VPS13B: variants seen among roughly 807,000 people sequenced by gnomAD.
VPS13B encodes vacuolar protein sorting 13 homolog B.
In VPS13B, 285 loss-of-function variants were observed where a neutral mutation model predicts 426.4. The ratio of observed to expected loss-of-function variants is 0.67; its 90% CI spans 0.61 to 0.74. The LOEUF (loss-of-function observed/expected upper bound fraction) is 0.74. VPS13B is among the 30% of genes least tolerant of loss of function. VPS13B has a pLI of 0.00. For synonymous variants in VPS13B, 1,676 were observed against 1,676.4 expected (o/e 1.00, Z 0.01); for missense variants, 4,537 against 4,782.6 (o/e 0.95, Z 1.51).
chr8:99,638,095 TA>T (rs1246900726), intron 33 of VPS13B, among the ~76,000 whole-genome samples: 1 of 152,136 alleles, frequency 6.6e-6, no homozygotes, highest in African/African-American at 2.4e-5. Context: ...TAAGGATAAC[TA>T]AAATGAAACT....
intron 50 of VPS13B, 121 bp downstream of exon 50, chr8:99,821,603 A>G (rs1056167554): frequency 8.4e-7 from 1 of 1,195,898 alleles, no homozygotes; most frequent in African/African-American, 1.5e-5. Context: ...AACAATTTAT[A>G]ACAGTACATT....
chr8:99,313,969 G>C (rs1451529064), intron 19 of VPS13B, among the ~76,000 whole-genome samples: 1 of 152,148 alleles, frequency 6.6e-6, no homozygotes, highest in Non-Finnish European at 1.5e-5. Context: ...CTCCAAGCCA[G>C]GCACGGGATA....
chr8:99,700,904 T>C (rs1393117453), intron 36 of VPS13B, among the ~76,000 whole-genome samples: 1 of 152,022 alleles, frequency 6.6e-6, no homozygotes, highest in Admixed American at 6.6e-5. Flanking sequence ...CCTCTTTAAT[T>C]TGTGGGGGGA....
intron 35 of VPS13B, among the ~76,000 whole-genome samples, chr8:99,674,540 C>A (rs747788785): frequency 2.6e-5 from 4 of 151,840 alleles, no homozygotes; most frequent in Non-Finnish European, 5.9e-5. Flanking sequence ...TTTGCTCTTT[C>A]TTTTCATTGG....
chr8:99,875,118 T>C lies in VPS13B; in HGVS notation c.11746-300T>C. ...CTGCTAAAGAACAATGACAGATGTT[T>C]TAATGGTGAGTAGAATGTTATCAAA... On this transcript the variant is annotated intron_variant, in intron 61 of 61. Coordinates refer to ENST00000357162, the MANE Select transcript of VPS13B (RefSeq NM_152564.5). 7.3e-6 allele frequency: 3 copies of C among 413,604 alleles called. 1 individual carries two copies. Among genetic ancestry groups the C allele is most frequent in the South Asian group, 7.1e-5 (3 of 42,010 alleles). The allele number at this position is 413,604 out of a possible 1,614,324, so 25.6% of individuals were successfully genotyped here. A position where few individuals can be genotyped will look rare whatever the true frequency, so the allele number is the denominator to read the frequency against.
At chr8:99,678,498 C>G (rs1831031489) in intron 35 of VPS13B, among the ~76,000 whole-genome samples, 1 of 152,044 alleles carries the variant, frequency 6.6e-6, no homozygotes, top group Admixed American at 6.6e-5. Context: ...TCTCCTCAGC[C>G]CCCAACCCTT....
At chr8:99,825,648 G>A (rs1336471513) in intron 51 of VPS13B, among the ~76,000 whole-genome samples, 1 of 152,172 alleles carries the variant, frequency 6.6e-6, no homozygotes, top group Non-Finnish European at 1.5e-5. Flanking sequence ...CTTTGCCCAT[G>A]CCTATGTCCT....
Position 99,747,023 on chromosome 8 carries a change from A to G in VPS13B, c.7051-19751A>G, listed in dbSNP as rs559689594. 2.6e-5 allele frequency among the ~76,000 whole-genome samples: 4 copies of G among 152,280 alleles called. No individual in the cohort carries two copies. In the East Asian group the frequency reaches 7.7e-4, roughly 29 times the overall value. ...ACTGTATCACAAAGCATTTTCTATA[A>G]GTCTTTAAACATCATTTGTTTTCAA... On this transcript the variant is annotated intron_variant, in intron 39 of 61. Transcript: ENST00000357162.
At chr8:99,101,701 C>A (rs1846759789) in intron 4 of VPS13B, among the ~76,000 whole-genome samples, 2 of 152,128 alleles carry the variant, frequency 1.3e-5, no homozygotes, top group South Asian at 4.1e-4. Context: ...ACATTTCTTT[C>A]CTATTTGCAT....
intron 34 of VPS13B, among the ~76,000 whole-genome samples, chr8:99,655,873 G>T (rs1388755998): frequency 6.6e-6 from 1 of 152,130 alleles, no homozygotes; most frequent in African/African-American, 2.4e-5. Flanking sequence ...GTTTGCTAAG[G>T]GTTAAAAGAA....
chr8:99,700,822 TA>T (rs914290357), intron 36 of VPS13B, among the ~76,000 whole-genome samples: 2 of 152,198 alleles, frequency 1.3e-5, no homozygotes, highest in Non-Finnish European at 2.9e-5. Flanking sequence ...ACTGCTACTG[TA>T]AAATTTCAGG....
At chr8:99,773,617 A>T (rs147935200) in intron 40 of VPS13B, among the ~76,000 whole-genome samples, 1 of 152,208 alleles carries the variant, frequency 6.6e-6, no homozygotes. Flanking sequence ...GGATATTTCC[A>T]CTATCCTAAA....
chr8:99,325,204 GC>G (rs948970258), intron 19 of VPS13B, among the ~76,000 whole-genome samples: 1 of 152,072 alleles, frequency 6.6e-6, no homozygotes, highest in East Asian at 1.9e-4. Context: ...TCTCACCTGG[GC>G]CCCCCAAAGT....
chr8:99,832,366 T>TA lies in VPS13B; in HGVS notation c.9331-2dup. The TA allele has an allele frequency of 6.8e-7, 1 of 1,462,310 alleles. No homozygotes were observed. Among genetic ancestry groups the TA allele is most frequent in the Non-Finnish European group, 9.0e-7 (1 of 1,105,360 alleles). 90.6% of individuals were successfully genotyped at this position (1,462,310 alleles called of 1,614,324 possible). A position where few individuals can be genotyped will look rare whatever the true frequency, so the allele number is the denominator to read the frequency against. On this transcript the variant is annotated splice_region_variant and splice_polypyrimidine_tract_variant and intron_variant, in intron 51 of 61. Transcript: ENST00000357162. ...ATTTTTTTTTTTTTTTTTTTTTTTT[T>TA]AGTATTTTCGTGTTCCAGACAGTGC...
intron 19 of VPS13B, among the ~76,000 whole-genome samples, chr8:99,372,260 A>C (rs953697309): frequency 1.3e-5 from 2 of 151,724 alleles, no homozygotes; most frequent in African/African-American, 2.4e-5. Context: ...AAAAAAAAAA[A>C]AAAAACAAAA....
intron 40 of VPS13B, among the ~76,000 whole-genome samples, chr8:99,770,929 G>C (rs1387228084): frequency 6.6e-6 from 1 of 152,186 alleles, no homozygotes; most frequent in African/African-American, 2.4e-5. Context: ...AACCCTGCGA[G>C]GAACAAAAGG....
At chr8:99,307,588 A>G (rs1205903404) in intron 19 of VPS13B, among the ~76,000 whole-genome samples, 2 of 152,074 alleles carry the variant, frequency 1.3e-5, no homozygotes, top group African/African-American at 4.8e-5. Context: ...TAATTCTGAA[A>G]GCAGCAACAG....
chr8:99,180,149 G>A (rs1465964631), intron 16 of VPS13B, among the ~76,000 whole-genome samples: 1 of 152,074 alleles, frequency 6.6e-6, no homozygotes, highest in Non-Finnish European at 1.5e-5. Flanking sequence ...TTGTCTAGAA[G>A]ATGAGATAAT....
At chr8:99,453,612 T>A (rs1818306856) in intron 23 of VPS13B, among the ~76,000 whole-genome samples, 1 of 152,184 alleles carries the variant, frequency 6.6e-6, no homozygotes, top group African/African-American at 2.4e-5. Context: ...TATTCCTTGC[T>A]TATCAATTTT....
Sources: gnomAD v4.1 joint callset for allele counts (sites outside exome capture counted in the v4.1 genomes callset) on GRCh38, gnomAD v4.1.1 for gene constraint, MANE v1.5 for transcripts, NCBI Gene and HGNC (gene_info 2026-07-23, HGNC 2026-07-21) for gene names.